Variants in ANKRD17 observed in about 807,000 individuals in gnomAD.
ANKRD17 encodes ankyrin repeat domain-containing protein 17.
In ANKRD17, 19 loss-of-function variants were observed where a neutral mutation model predicts 229.7. The observed-to-expected ratio is 0.08, with a 90% CI of 0.06 to 0.12. ANKRD17 has a LOEUF of 0.12. Ranked by LOEUF, ANKRD17 falls within the 10% of genes least tolerant of loss-of-function variation. The pLI is 1.00. For synonymous variants in ANKRD17, 1,112 were observed against 1,146.1 expected (o/e 0.97, Z 0.60); for missense variants, 2,176 against 3,176.8 (o/e 0.68, Z 7.57).
Position 73,091,338 on chromosome 4 carries a change from C to A in ANKRD17, c.6290G>T (p.Ser2097Ile), listed in dbSNP as rs1722776639. The A allele has an allele frequency of 1.2e-6, 2 of 1,614,132 alleles. No individual in the cohort carries two copies. The highest frequency in any genetic ancestry group is 1.3e-5 in the African/African-American group (1 of 75,054). Residue 2097 changes from serine (S) to isoleucine (I), a missense_variant, in exon 29 of 34, where the codon AGT becomes ATT. Ser to Ile is a moderately radical substitution (Grantham distance 142). Around this residue, in one of 18 missense-constraint regions of ANKRD17, gnomAD observed 424 missense variants for 454.0 expected, o/e 0.93. Coordinates refer to ENST00000358602, the MANE Select transcript of ANKRD17 (RefSeq NM_032217.5). ...ATGAGCTGATGAACTCCCAGAAGAA[C>A]TGCTGCTGTTTGGAGGTCTAGTGTT... ...TTNTRPPNSS[S>I]SSGSSSAHSN... is the part of the protein sequence containing the mutation.
At chr4:73,157,805 G>T (rs72663007) in intron 3 of ANKRD17, among the ~76,000 whole-genome samples, 2 of 152,150 alleles carry the variant, frequency 1.3e-5, no homozygotes, top group Non-Finnish European at 2.9e-5. Flanking sequence ...AGTAGAACAC[G>T]TCCGCCGGGC....
intron 11 of ANKRD17, among the ~76,000 whole-genome samples, chr4:73,143,260 T>C (rs1275964446): frequency 6.6e-6 from 1 of 152,120 alleles, no homozygotes; most frequent in African/African-American, 2.4e-5. Flanking sequence ...AATTCACCCC[T>C]ATTCCCAAAT....
intron 1 of ANKRD17, among the ~76,000 whole-genome samples, chr4:73,233,874 A>AT (rs538818472): frequency 1.3e-3 from 202 of 151,994 alleles, no homozygotes; most frequent in African/African-American, 4.6e-3. Context: ...GATTTTCCGT[A>AT]TTTTTTCCCT....
rs1728744166 is a variant in ANKRD17 at position 73,135,252 on chromosome 4, T to C, written c.3099A>G (p.Arg1033=). ...LDDIMAAVSG[R]ASAMSNTPTH... ...TAGGAGTGTTTGACATTGCAGATGC[T>C]CTTCCACTGACTGCTGTTGAACAAA... Residue 1033 remains arginine, a synonymous_variant, in exon 16 of 34, where the codon AGA becomes AGG. Coordinates refer to ENST00000358602, the MANE Select transcript of ANKRD17 (RefSeq NM_032217.5). 1 of 1,611,890 alleles carries C rather than the reference T, an allele frequency of 6.2e-7. No individual in the cohort carries two copies. The highest frequency in any genetic ancestry group is 1.3e-5 in the African/African-American group (1 of 74,884).
intron 15 of ANKRD17, among the ~76,000 whole-genome samples, chr4:73,136,979 A>T (rs1030989598): frequency 3.4e-5 from 3 of 88,218 alleles, no homozygotes; most frequent in Admixed American, 1.5e-4. Context: ...AAAATTACAG[A>T]GTTTTTTTTT....
Position 73,085,298 on chromosome 4 carries a change from T to G in ANKRD17, c.7110A>C (p.Gln2370His). 4 of 1,614,106 alleles carry G rather than the reference T, an allele frequency of 2.5e-6. No homozygotes were observed. Among genetic ancestry groups the G allele is most frequent in the African/African-American group, 2.7e-5 (2 of 75,006 alleles). ...GAPAAANFNR[Q>H]HFSPLSLLTP... is the part of the protein sequence containing the mutation. ...TCAACAAACTAAGCGGGGAAAAATG[T>G]TGTCTGTTAAAGTTAGCAGCTGCGG... Residue 2370 changes from glutamine (Q) to histidine (H), a missense_variant, in exon 30 of 34, where the codon CAA becomes CAC. Coordinates refer to ENST00000358602, the MANE Select transcript of ANKRD17 (RefSeq NM_032217.5).
chr4:73,164,921 TA>T (rs1733035019), intron 2 of ANKRD17, among the ~76,000 whole-genome samples: 1 of 150,144 alleles, frequency 6.7e-6, no homozygotes, highest in East Asian at 1.9e-4. Flanking sequence ...ATTATTATTT[TA>T]TAATAAAATT....
chr4:73,132,873 T>C (rs568422107), intron 16 of ANKRD17, among the ~76,000 whole-genome samples: 2 of 152,162 alleles, frequency 1.3e-5, no homozygotes, highest in Non-Finnish European at 2.9e-5. Context: ...GAAGTCTTTT[T>C]ACATTTTGGT....
intron 18 of ANKRD17, among the ~76,000 whole-genome samples, chr4:73,123,301 G>A (rs1352605144): frequency 6.6e-6 from 1 of 151,656 alleles, no homozygotes; most frequent in Non-Finnish European, 1.5e-5. Flanking sequence ...GGATTTATGG[G>A]GATTTTTACT....
At chr4:73,182,598 A>G (rs899181419) in intron 1 of ANKRD17, among the ~76,000 whole-genome samples, 2 of 152,176 alleles carry the variant, frequency 1.3e-5, no homozygotes, top group Non-Finnish European at 2.9e-5. Flanking sequence ...TTTAATTACT[A>G]AAAGTGGGAC....
chr4:73,165,274 T>C (rs762591460), intron 2 of ANKRD17, among the ~76,000 whole-genome samples: 7 of 152,268 alleles, frequency 4.6e-5, no homozygotes, highest in Non-Finnish European at 7.4e-5. Flanking sequence ...GCTGAACACT[T>C]GTGAGGAGTA....
At chr4:73,101,737 G>A (rs1187385041) in intron 25 of ANKRD17, among the ~76,000 whole-genome samples, 1 of 151,000 alleles carries the variant, frequency 6.6e-6, no homozygotes, top group Non-Finnish European at 1.5e-5. Flanking sequence ...CTTTTAGATG[G>A]CTCAGAAAAA....
At chr4:73,188,549 C>CA (rs963688043) in intron 1 of ANKRD17, among the ~76,000 whole-genome samples, 3 of 152,032 alleles carry the variant, frequency 2.0e-5, no homozygotes, top group African/African-American at 7.2e-5. Context: ...TGTGCCACTG[C>CA]ACTCCAGCCT....
intron 23 of ANKRD17, among the ~76,000 whole-genome samples, chr4:73,114,265 A>G (rs1725666639): frequency 1.3e-5 from 2 of 152,200 alleles, no homozygotes; most frequent in South Asian, 4.1e-4. Context: ...GTCAACAAAG[A>G]AAACAGATGT....
At chr4:73,163,180 A>C (rs1451212372) in intron 2 of ANKRD17, among the ~76,000 whole-genome samples, 1 of 152,110 alleles carries the variant, frequency 6.6e-6, no homozygotes, top group Non-Finnish European at 1.5e-5. Flanking sequence ...TCAAATATAT[A>C]GATGCTGAGG....
intron 30 of ANKRD17, among the ~76,000 whole-genome samples, chr4:73,082,240 T>C (rs1168177073): frequency 1.3e-5 from 2 of 149,714 alleles, no homozygotes; most frequent in African/African-American, 4.9e-5. Context: ...GAGGCTAAAG[T>C]GGGAGGATCT....
intron 18 of ANKRD17, among the ~76,000 whole-genome samples, chr4:73,122,418 T>C (rs1726864304): frequency 6.6e-6 from 1 of 152,286 alleles, no homozygotes; most frequent in East Asian, 1.9e-4. Flanking sequence ...TTAGCCATTC[T>C]AGTGGATGTG....
intron 24 of ANKRD17, chr4:73,113,003 G>C (rs1424464657): frequency 1.2e-6 from 1 of 806,118 alleles, no homozygotes; most frequent in African/African-American, 1.9e-5. Context: ...GGCCAGGCTG[G>C]TCTCAAGCTC....
At chr4:73,131,305 A>T (rs530876620) in intron 16 of ANKRD17, among the ~76,000 whole-genome samples, 1 of 152,360 alleles carries the variant, frequency 6.6e-6, no homozygotes, top group Non-Finnish European at 1.5e-5. Flanking sequence ...CAAGGATCAG[A>T]AATAAAACAT....
Sources: gnomAD v4.1 joint callset for allele counts (sites outside exome capture counted in the v4.1 genomes callset) on GRCh38, gnomAD v4.1.1 for gene constraint, gnomAD v4.1.1 regional missense constraint, MANE v1.5 for transcripts, NCBI Gene and HGNC (gene_info 2026-07-23, HGNC 2026-07-21) for gene names.